NXPH1: variants seen among roughly 807,000 people sequenced by gnomAD.
NXPH1 encodes the protein neurexophilin-1.
In NXPH1, 5 loss-of-function variants were observed where a neutral mutation model predicts 23.7. That is an observed-to-expected ratio of 0.21 (90% CI 0.11 to 0.44). The LOEUF (loss-of-function observed/expected upper bound fraction) is 0.44, where lower values mean the gene tolerates loss of function less well. NXPH1 is among the 20% of genes least tolerant of loss of function. The pLI is 0.99. For missense variants in NXPH1, 324 were observed against 321.6 expected, an observed-to-expected ratio of 1.01 and a Z score of -0.06; for synonymous variants, 144 against 122.2, an observed-to-expected ratio of 1.18 and a Z score of -1.18.
intron 2 of NXPH1, among the ~76,000 whole-genome samples, chr7:8,689,581 C>G (rs1293563515): frequency 6.6e-6 from 1 of 152,090 alleles, no homozygotes; most frequent in African/African-American, 2.4e-5. Context: ...GGAACGGAGG[C>G]CTTTGGTAGA....
chr7:8,464,974 C>T (rs949072645), intron 2 of NXPH1, among the ~76,000 whole-genome samples: 2 of 152,092 alleles, frequency 1.3e-5, no homozygotes, highest in Admixed American at 6.5e-5. Context: ...CCAAAATGTG[C>T]TTTGGGAAAC....
intron 2 of NXPH1, among the ~76,000 whole-genome samples, chr7:8,498,313 G>A (rs1233972211): frequency 6.6e-6 from 1 of 152,094 alleles, no homozygotes; most frequent in Non-Finnish European, 1.5e-5. Context: ...CAGAGGGGAA[G>A]ATTGGTAAAA....
chr7:8,532,475 G>GT (rs1817962738), intron 2 of NXPH1, among the ~76,000 whole-genome samples: 1 of 143,048 alleles, frequency 7.0e-6, no homozygotes. Context: ...TTTTGGGGGG[G>GT]GGGGAGGGGG....
chr7:8,666,803 A>C (rs1210332393), intron 2 of NXPH1, among the ~76,000 whole-genome samples: 2 of 151,972 alleles, frequency 1.3e-5, no homozygotes, highest in Non-Finnish European at 2.9e-5. Flanking sequence ...AGATTATCCA[A>C]TTTGTTGGCA....
intron 2 of NXPH1, among the ~76,000 whole-genome samples, chr7:8,504,144 C>T (rs769622145): frequency 6.6e-6 from 1 of 151,984 alleles, no homozygotes; most frequent in Non-Finnish European, 1.5e-5. Context: ...GTCCCTCTTT[C>T]CACAAAGCCT....
At chr7:8,650,321 A>G (rs1202361043) in intron 2 of NXPH1, among the ~76,000 whole-genome samples, 1 of 152,204 alleles carries the variant, frequency 6.6e-6, no homozygotes, top group African/African-American at 2.4e-5. Context: ...ACTATGTGAT[A>G]TTCATCTACA....
intron 2 of NXPH1, among the ~76,000 whole-genome samples, chr7:8,523,966 C>T (rs984892585): frequency 5.9e-5 from 9 of 152,032 alleles, no homozygotes; most frequent in East Asian, 3.9e-4. Context: ...TATCTTCAGC[C>T]GGGCACGGTG....
At chr7:8,437,399 C>CG (rs761842927) in intron 2 of NXPH1, among the ~76,000 whole-genome samples, 9 of 59,832 alleles carry the variant, frequency 1.5e-4, no homozygotes, top group Non-Finnish European at 2.5e-4. Context: ...GCGACGGGGG[C>CG]GGGGGGGAGG....
At chr7:8,742,545 A>T in intron 2 of NXPH1, among the ~76,000 whole-genome samples, 1 of 142,820 alleles carries the variant, frequency 7.0e-6, no homozygotes, top group Non-Finnish European at 1.6e-5. Flanking sequence ...ATACTAGCTG[A>T]GATGTGTCTC....
chr7:8,725,780 G>C (rs1429868561), intron 2 of NXPH1, among the ~76,000 whole-genome samples: 1 of 151,360 alleles, frequency 6.6e-6, no homozygotes, highest in Non-Finnish European at 1.5e-5. Context: ...GTGTGGAGAG[G>C]CTCTATTTCC....
At chr7:8,721,971 A>T (rs1162449105) in intron 2 of NXPH1, among the ~76,000 whole-genome samples, 1 of 152,184 alleles carries the variant, frequency 6.6e-6, no homozygotes, top group Non-Finnish European at 1.5e-5. Flanking sequence ...AATATTACAG[A>T]TCAAGTTACC....
intron 2 of NXPH1, among the ~76,000 whole-genome samples, chr7:8,649,492 A>C (rs968715882): frequency 6.6e-6 from 1 of 152,182 alleles, no homozygotes; most frequent in Non-Finnish European, 1.5e-5. Flanking sequence ...ATCCAAAACC[A>C]AGACCAGGGC....
intron 2 of NXPH1, among the ~76,000 whole-genome samples, chr7:8,675,282 A>G (rs1820934294): frequency 6.6e-6 from 1 of 151,882 alleles, no homozygotes. Flanking sequence ...TCTGTAATGT[A>G]ACATCTGTTT....
chr7:8,527,034 G>A (rs1041199032), intron 2 of NXPH1, among the ~76,000 whole-genome samples: 1 of 118,688 alleles, frequency 8.4e-6, no homozygotes, highest in Non-Finnish European at 1.8e-5. Flanking sequence ...TTTCCCAGCA[G>A]AATTTGCCCC....
At chr7:8,574,002 C>G (rs1427588664) in intron 2 of NXPH1, among the ~76,000 whole-genome samples, 1 of 152,064 alleles carries the variant, frequency 6.6e-6, no homozygotes, top group Non-Finnish European at 1.5e-5. Context: ...CTGTGAGTGT[C>G]ATAAAGATTT....
chr7:8,691,687 T>C (rs538077815), intron 2 of NXPH1, among the ~76,000 whole-genome samples: 1 of 152,308 alleles, frequency 6.6e-6, no homozygotes, highest in African/African-American at 2.4e-5. Flanking sequence ...ATCTATTCAT[T>C]CACAAAATAC....
At chr7:8,470,077 C>G (rs771257172) in intron 2 of NXPH1, among the ~76,000 whole-genome samples, 3 of 152,092 alleles carry the variant, frequency 2.0e-5, no homozygotes, top group Non-Finnish European at 2.9e-5. Context: ...CATGCATGCA[C>G]TACAGGAATC....
intron 2 of NXPH1, among the ~76,000 whole-genome samples, chr7:8,715,323 A>G (rs1395705508): frequency 1.3e-5 from 2 of 152,210 alleles, no homozygotes; most frequent in African/African-American, 4.8e-5. Context: ...TAAGGGTGGC[A>G]TCAAAATTTG....
chr7:8,440,101 G>A (rs113856223), intron 2 of NXPH1, among the ~76,000 whole-genome samples: 2 of 152,186 alleles, frequency 1.3e-5, no homozygotes, highest in African/African-American at 2.4e-5. Context: ...AGATACATAC[G>A]GGATTCAGAC....
Sources: gnomAD v4.1 joint callset for allele counts (sites outside exome capture counted in the v4.1 genomes callset) on GRCh38, gnomAD v4.1.1 for gene constraint, MANE v1.5 for transcripts, NCBI Gene and HGNC (gene_info 2026-07-23, HGNC 2026-07-21) for gene names.